Variants in MECOM observed in about 807,000 individuals in gnomAD.
MECOM encodes the protein histone-lysine N-methyltransferase MECOM.
MECOM carries 13 observed loss-of-function variants against 116.3 expected under a neutral mutation model. That is an observed-to-expected ratio of 0.11 (90% confidence interval 0.07 to 0.18). The LOEUF (loss-of-function observed/expected upper bound fraction) is 0.18. Ranked by LOEUF, MECOM falls within the 10% of genes least tolerant of loss-of-function variation. The pLI, the probability that MECOM is intolerant of heterozygous loss-of-function variation, is 1.00. For synonymous variants in MECOM, 528 were observed against 535.2 expected (o/e 0.99, Z 0.19); for missense variants, 1,299 against 1,509.0 (o/e 0.86, Z 2.31).
chr3:169,410,371 T>G (rs1036847112), intron 1 of MECOM, among the ~76,000 whole-genome samples: 4 of 152,206 alleles, frequency 2.6e-5, no homozygotes, highest in East Asian at 1.9e-4. Context: ...GACAATGTGA[T>G]AGAATAAAGA....
At chr3:169,099,062 A>T (rs2148928452) in intron 12 of MECOM, among the ~76,000 whole-genome samples, 1 of 145,368 alleles carries the variant, frequency 6.9e-6, no homozygotes, top group East Asian at 2.1e-4. Context: ...CCTACTTGTG[A>T]TTTTGTTTTC....
intron 1 of MECOM, among the ~76,000 whole-genome samples, chr3:169,531,278 G>A (rs543297899): frequency 6.6e-6 from 1 of 152,318 alleles, no homozygotes; most frequent in Non-Finnish European, 1.5e-5. Flanking sequence ...ACACTTAACT[G>A]TTTCATGAGG....
intron 2 of MECOM, among the ~76,000 whole-genome samples, chr3:169,196,682 C>A (rs1443827636): frequency 2.0e-5 from 3 of 151,928 alleles, no homozygotes; most frequent in Non-Finnish European, 4.4e-5. Flanking sequence ...GGCAAGGTTG[C>A]AGAGAAAAAA....
intron 16 of MECOM, among the ~76,000 whole-genome samples, chr3:169,088,433 T>C (rs1718573525): frequency 6.6e-6 from 1 of 152,190 alleles, no homozygotes; most frequent in African/African-American, 2.4e-5. Flanking sequence ...CATTCATTTG[T>C]TGAATTTAAA....
chr3:169,619,221 A>G (rs1770392275), intron 1 of MECOM, among the ~76,000 whole-genome samples: 1 of 152,212 alleles, frequency 6.6e-6, no homozygotes, highest in East Asian at 1.9e-4. Context: ...CACCGGCCGC[A>G]GCGCATCCCC....
At chr3:169,223,979 A>G (rs1752426678) in intron 2 of MECOM, among the ~76,000 whole-genome samples, 2 of 152,074 alleles carry the variant, frequency 1.3e-5, no homozygotes, top group South Asian at 2.1e-4. Context: ...AAAGCTCTTC[A>G]CAAGAAAAGG....
In MECOM at chr3:169,134,766, A is replaced by G. The variant is rs546541884; in HGVS notation, c.511-3235T>C. Among the ~76,000 whole-genome samples the G allele has an allele frequency of 5.3e-5, 8 of 152,298 alleles. No individual in the cohort carries two copies. The East Asian group carries it at 1.5e-3, about 29-fold the overall frequency. On this transcript the variant is annotated intron_variant, in intron 3 of 16. Transcript: ENST00000651503. ...AATCCTTGAATCTAGGGATGTCTAC[A>G]TATAAATTTAATTTACTTTCTAATA...
chr3:169,260,143 C>T (rs1757370311), intron 2 of MECOM, among the ~76,000 whole-genome samples: 1 of 151,994 alleles, frequency 6.6e-6, no homozygotes, highest in Admixed American at 6.6e-5. Flanking sequence ...AGGTTCGTGT[C>T]CCTTTATTTT....
intron 2 of MECOM, among the ~76,000 whole-genome samples, chr3:169,219,464 G>A (rs1751839614): frequency 1.3e-5 from 2 of 152,148 alleles, no homozygotes; most frequent in Admixed American, 1.3e-4. Context: ...CCAAGATGGC[G>A]CCACTGCACT....
At chr3:169,646,088 C>T (rs988826517) in intron 1 of MECOM, among the ~76,000 whole-genome samples, 2 of 152,104 alleles carry the variant, frequency 1.3e-5, no homozygotes, top group African/African-American at 4.8e-5. Flanking sequence ...TTTTTTATGG[C>T]TGCATAGTAT....
intron 3 of MECOM, among the ~76,000 whole-genome samples, chr3:169,132,705 C>T (rs1382437274): frequency 6.6e-6 from 1 of 151,782 alleles, no homozygotes; most frequent in Non-Finnish European, 1.5e-5. Flanking sequence ...GTCTTTTCTC[C>T]CAATCTTCCT....
intron 2 of MECOM, among the ~76,000 whole-genome samples, chr3:169,215,838 T>G (rs536297720): frequency 2.4e-4 from 37 of 152,340 alleles, no homozygotes; most frequent in South Asian, 6.2e-4. Flanking sequence ...CATATGGATC[T>G]CTCCAGAAAT....
chr3:169,585,844 G>C (rs6791401), intron 1 of MECOM, among the ~76,000 whole-genome samples: 2,346 of 152,254 alleles, frequency 0.015, 57 homozygotes, highest in African/African-American at 0.053. Flanking sequence ...TACACTTCTT[G>C]AGGGCTATTT....
chr3:169,449,233 T>C (rs1215150697), intron 1 of MECOM, among the ~76,000 whole-genome samples: 2 of 152,140 alleles, frequency 1.3e-5, no homozygotes, highest in African/African-American at 2.4e-5. Flanking sequence ...ATATGATAAA[T>C]TTCTCAAAAA....
chr3:169,534,929 A>G (rs1759161215), intron 1 of MECOM, among the ~76,000 whole-genome samples: 1 of 152,230 alleles, frequency 6.6e-6, no homozygotes, highest in Non-Finnish European at 1.5e-5. Context: ...AGGAAGTTGC[A>G]TGGGCAACCT....
intron 2 of MECOM, among the ~76,000 whole-genome samples, chr3:169,320,999 A>T (rs1720753359): frequency 6.6e-6 from 1 of 152,150 alleles, no homozygotes; most frequent in Non-Finnish European, 1.5e-5. Context: ...AAAATAACCC[A>T]GGGTCTCCAT....
chr3:169,549,404 GAA>G (rs34667128), intron 1 of MECOM, among the ~76,000 whole-genome samples: 8,452 of 126,330 alleles, frequency 0.067, 316 homozygotes, highest in Admixed American at 0.087. Context: ...TGTAAGTAAA[GAA>G]AAAAAAAAAA....
At chr3:169,547,413 G>T (rs920125873) in intron 1 of MECOM, among the ~76,000 whole-genome samples, 13 of 152,182 alleles carry the variant, frequency 8.5e-5, no homozygotes, top group Non-Finnish European at 1.6e-4. Context: ...ATAGTAGTGT[G>T]AGAATGGTCT....
At chr3:169,285,277 C>G (rs1713046244) in intron 2 of MECOM, among the ~76,000 whole-genome samples, 1 of 152,130 alleles carries the variant, frequency 6.6e-6, no homozygotes, top group African/African-American at 2.4e-5. Flanking sequence ...CTCTGCAGCC[C>G]TGCTTCTGTG....
Sources: gnomAD v4.1 joint callset for allele counts (sites outside exome capture counted in the v4.1 genomes callset) on GRCh38, gnomAD v4.1.1 for gene constraint, MANE v1.5 for transcripts, NCBI Gene and HGNC (gene_info 2026-07-23, HGNC 2026-07-21) for gene names.